Variants in NUBPL observed in about 807,000 individuals in gnomAD.
NUBPL encodes the protein NUBP iron-sulfur cluster assembly factor, mitochondrial, also known as iron-sulfur cluster transfer protein NUBPL.
Under a neutral mutation model 45.7 loss-of-function variants are expected in NUBPL, and 31 were observed. The ratio of observed to expected loss-of-function variants is 0.68; its 90% confidence interval spans 0.51 to 0.92. The LOEUF (loss-of-function observed/expected upper bound fraction) is 0.92. Ranked by LOEUF, NUBPL falls within the 40% of genes least tolerant of loss-of-function variation. NUBPL has a pLI of 0.00. For missense variants in NUBPL, 401 were observed against 398.7 expected (o/e 1.01, Z -0.05); for synonymous variants, 144 against 140.9 (o/e 1.02, Z -0.15).
In NUBPL at chr14:31,789,736, T is replaced by C. The variant is rs183939367; in HGVS notation, c.607+1863T>C. 2.0e-3 allele frequency among the ~76,000 whole-genome samples: 297 copies of C among 152,242 alleles called. 11 individuals are homozygous for C. The highest frequency in any genetic ancestry group is 0.019 in the Admixed American group (295 of 15,290). On this transcript the variant is annotated intron_variant, in intron 7 of 10. Coordinates refer to ENST00000281081, the MANE Select transcript of NUBPL (RefSeq NM_025152.3). ...AGTTTTTGACAAAATATACGTGTTGTTTGGAAATATCAGTATAGCCTCATT... is the reference window on the plus strand; with the variant it reads ...AGTTTTTGACAAAATATACGTGTTGCTTGGAAATATCAGTATAGCCTCATT...
chr14:31,715,633 T>A (rs1384410392), intron 6 of NUBPL, among the ~76,000 whole-genome samples: 1 of 152,152 alleles, frequency 6.6e-6, no homozygotes, highest in East Asian at 1.9e-4. Context: ...GTGTAAAATA[T>A]GAAAAATGGT....
chr14:31,761,129 A>G (rs2038799161), intron 6 of NUBPL, among the ~76,000 whole-genome samples: 1 of 152,220 alleles, frequency 6.6e-6, no homozygotes, highest in African/African-American at 2.4e-5. Flanking sequence ...CCACAACACC[A>G]TTAAATGATG....
chr14:31,849,620 A>G (rs1293363532), intron 9 of NUBPL, among the ~76,000 whole-genome samples: 1 of 152,236 alleles, frequency 6.6e-6, no homozygotes, highest in Non-Finnish European at 1.5e-5. Context: ...ATAAAGAGAC[A>G]GATAGTTGAG....
intron 4 of NUBPL, among the ~76,000 whole-genome samples, chr14:31,648,873 A>G (rs550658066): frequency 6.6e-6 from 1 of 152,214 alleles, no homozygotes; most frequent in Non-Finnish European, 1.5e-5. Context: ...CAGTGGTGCT[A>G]TCTTGGCTCA....
chr14:31,775,534 C>G (rs563117864), intron 6 of NUBPL, among the ~76,000 whole-genome samples: 1 of 152,204 alleles, frequency 6.6e-6, no homozygotes, highest in Admixed American at 6.5e-5. Context: ...GGGAGCCTCT[C>G]TTGGCTGACT....
intron 6 of NUBPL, among the ~76,000 whole-genome samples, chr14:31,760,144 T>TGTGTGAGAGAGAGAGAGAGAGAGAGAGA: frequency 2.9e-5 from 1 of 34,830 alleles, no homozygotes; most frequent in African/African-American, 1.1e-4. Context: ...TGTGTGTGTG[T>TGTGTGAGAGAGAGAGAGAGAGAGAGAGA]GAGAGAGAGA....
chr14:31,858,241 G>C (rs2040656525), intron 10 of NUBPL, among the ~76,000 whole-genome samples: 1 of 152,146 alleles, frequency 6.6e-6, no homozygotes, highest in South Asian at 2.1e-4. Context: ...CCCACCCCAT[G>C]ATTTAATCAC....
chr14:31,707,005 G>C (rs539489004), intron 6 of NUBPL, among the ~76,000 whole-genome samples: 1 of 152,304 alleles, frequency 6.6e-6, no homozygotes, highest in Non-Finnish European at 1.5e-5. Flanking sequence ...CAATTATTAG[G>C]CAATTTTCTT....
At chr14:31,571,638 C>A (rs140500926) in intron 3 of NUBPL, among the ~76,000 whole-genome samples, 2 of 151,920 alleles carry the variant, frequency 1.3e-5, no homozygotes, top group Non-Finnish European at 2.9e-5. Context: ...TTTGTAGAGA[C>A]GGGGTTTCAT....
chr14:31,619,699 C>T (rs919604193), intron 4 of NUBPL, among the ~76,000 whole-genome samples: 2 of 152,190 alleles, frequency 1.3e-5, no homozygotes, highest in Non-Finnish European at 2.9e-5. Context: ...CGGCCTTTCT[C>T]TCTGGCTGCC....
At chr14:31,763,384 G>T (rs2038852869) in intron 6 of NUBPL, among the ~76,000 whole-genome samples, 1 of 152,154 alleles carries the variant, frequency 6.6e-6, no homozygotes, top group Non-Finnish European at 1.5e-5. Flanking sequence ...GAGAAGTATG[G>T]CTCTATTGTT....
chr14:31,787,990 T>C (rs1170593857), intron 7 of NUBPL, 117 bp downstream of exon 7: 6 of 685,424 alleles, frequency 8.8e-6, no homozygotes, highest in Admixed American at 4.6e-5. Context: ...CATTCACTTA[T>C]AAATTTTTCA....
At chr14:31,562,739 G>C (rs1311274428) in intron 2 of NUBPL, 2 of 151,798 alleles carry the variant, frequency 1.3e-5, no homozygotes, top group South Asian at 2.1e-4. Context: ...CAAGTAGCTG[G>C]GACTACAGGC....
intron 7 of NUBPL, among the ~76,000 whole-genome samples, chr14:31,793,956 C>A: frequency 9.6e-6 from 1 of 104,494 alleles, no homozygotes; most frequent in Non-Finnish European, 1.9e-5. Context: ...GTTCAATTCC[C>A]ACCTATGAGT....
At chr14:31,813,181 G>T (rs888771428) in intron 7 of NUBPL, among the ~76,000 whole-genome samples, 2 of 151,802 alleles carry the variant, frequency 1.3e-5, no homozygotes, top group African/African-American at 4.8e-5. Flanking sequence ...CAGAGACGGG[G>T]TTTCACCATG....
intron 4 of NUBPL, among the ~76,000 whole-genome samples, chr14:31,666,350 C>T (rs1236950742): frequency 1.3e-5 from 2 of 150,644 alleles, no homozygotes; most frequent in Non-Finnish European, 3.0e-5. Flanking sequence ...CTGCAACCTC[C>T]GCCTCCCGGG....
At chr14:31,719,171 G>A (rs571734811) in intron 6 of NUBPL, among the ~76,000 whole-genome samples, 17 of 152,270 alleles carry the variant, frequency 1.1e-4, no homozygotes, top group Admixed American at 7.2e-4. Flanking sequence ...CTGAATAGCT[G>A]GGAACTGATT....
intron 6 of NUBPL, among the ~76,000 whole-genome samples, chr14:31,707,549 G>A (rs931628160): frequency 6.6e-6 from 1 of 152,004 alleles, no homozygotes; most frequent in African/African-American, 2.4e-5. Flanking sequence ...TGGCTATCTC[G>A]CTGTGTCCGG....
chr14:31,652,275 G>C (rs1287069476), intron 4 of NUBPL, among the ~76,000 whole-genome samples: 1 of 152,198 alleles, frequency 6.6e-6, no homozygotes, highest in Non-Finnish European at 1.5e-5. Context: ...GAGTTGAATG[G>C]TGGTTACCAG....
Sources: allele counts gnomAD v4.1 joint callset (sites outside exome capture counted in the v4.1 genomes callset), GRCh38; gene constraint gnomAD v4.1.1; transcripts MANE v1.5; gene names NCBI Gene and HGNC (gene_info 2026-07-23, HGNC 2026-07-21).